The following ZBTB20 variants were observed in gnomAD, a reference collection of about 807,000 sequenced individuals.
The protein encoded by ZBTB20 is zinc finger and BTB domain-containing protein 20.
ZBTB20 carries 9 observed loss-of-function variants against 56.9 expected under a neutral mutation model. That is an observed-to-expected ratio of 0.16 (90% CI 0.10 to 0.28). The LOEUF is 0.28. Ranked by LOEUF, ZBTB20 falls within the 10% of genes least tolerant of loss-of-function variation. The pLI, the probability that ZBTB20 is intolerant of heterozygous loss-of-function variation, is 1.00. For synonymous variants in ZBTB20, 417 were observed against 420.7 expected, an observed-to-expected ratio of 0.99 and a Z score of 0.11; for missense variants, 655 against 1,003.0, an observed-to-expected ratio of 0.65 and a Z score of 4.69.
intron 1 of ZBTB20, among the ~76,000 whole-genome samples, chr3:115,085,998 T>C (rs189645868): frequency 7.4e-4 from 112 of 151,940 alleles, no homozygotes; most frequent in African/African-American, 2.4e-3. Flanking sequence ...AAAACGGGCG[T>C]TGTATTTCTT....
intron 10 of ZBTB20, among the ~76,000 whole-genome samples, chr3:114,355,411 T>C (rs1163256640): frequency 6.6e-6 from 1 of 152,168 alleles, no homozygotes; most frequent in African/African-American, 2.4e-5. Context: ...CTGAGTACAC[T>C]GGCCCCACAC....
chr3:114,436,557 T>G (rs946569571), intron 7 of ZBTB20, among the ~76,000 whole-genome samples: 1 of 152,214 alleles, frequency 6.6e-6, no homozygotes, highest in Non-Finnish European at 1.5e-5. Flanking sequence ...ATAGTACTCT[T>G]ATAATGTTAC....
intron 2 of ZBTB20, among the ~76,000 whole-genome samples, chr3:115,021,150 C>T (rs2080187552): frequency 6.6e-6 from 1 of 150,798 alleles, no homozygotes; most frequent in Non-Finnish European, 1.5e-5. Context: ...TTTTGGAATG[C>T]CATTTTTAAT....
chr3:114,477,725 C>T (rs2040969705), intron 7 of ZBTB20, among the ~76,000 whole-genome samples: 1 of 151,882 alleles, frequency 6.6e-6, no homozygotes, highest in Non-Finnish European at 1.5e-5. Flanking sequence ...GAACTCCTGA[C>T]CTCAGGTGAT....
chr3:114,488,872 G>T (rs1451922453), intron 7 of ZBTB20, among the ~76,000 whole-genome samples: 1 of 152,144 alleles, frequency 6.6e-6, no homozygotes, highest in East Asian at 1.9e-4. Flanking sequence ...GAAGTGCAAC[G>T]TTGTTGTCAA....
rs536290803 is a variant in ZBTB20 at position 114,988,084 on chromosome 3, C to A, written c.-506-13668G>T. ...TTTTTCACATTGCAAGTGATGGTAT[C>A]CAGTTTCTTTTTTTTTTTTTTTTTA... On this transcript the variant is annotated intron_variant, in intron 2 of 11. Transcript: ENST00000675478. Among the ~76,000 whole-genome samples, 739 of 144,150 alleles carry A rather than the reference C, an allele frequency of 5.1e-3. 4 individuals are homozygous for A. The highest frequency in any genetic ancestry group is 8.0e-3 in the Non-Finnish European group (531 of 66,502). 94.6% of individuals were successfully genotyped at this position (144,150 alleles called of 152,430 possible).
chr3:114,918,270 C>T (rs1484259886), intron 3 of ZBTB20, among the ~76,000 whole-genome samples: 1 of 152,124 alleles, frequency 6.6e-6, no homozygotes, highest in African/African-American at 2.4e-5. Flanking sequence ...GAGCTCCCCT[C>T]TAGCCTAGGG....
intron 2 of ZBTB20, among the ~76,000 whole-genome samples, chr3:115,026,922 T>C (rs549619482): frequency 2.6e-5 from 4 of 150,988 alleles, no homozygotes; most frequent in Admixed American, 6.6e-5. Flanking sequence ...AATATAGTTA[T>C]ATAAAATAAA....
rs890662821 is a variant in ZBTB20 at position 114,339,518 on chromosome 3, G to T, written c.1805-92C>A. 6 of 1,366,212 alleles carry T rather than the reference G, an allele frequency of 4.4e-6. No homozygotes were observed. In the African/African-American group the frequency reaches 8.8e-5, roughly 20 times the overall value. 84.6% of individuals were successfully genotyped at this position (1,366,212 alleles called of 1,614,324 possible). On this transcript the variant is annotated intron_variant, in intron 11 of 11. Coordinates refer to ENST00000675478, the MANE Select transcript of ZBTB20 (RefSeq NM_001348800.3). This position sits in a 1 kb window ranked among gnomAD's most constrained non-coding sequence, Gnocchi z 4.2. ...ACAGGAAAAACAAGACAACAAAAAA[G>T]AAAAATAAAACAATTAAAAAATAAA... is the stretch of plus-strand genomic sequence containing the variant.
intron 6 of ZBTB20, among the ~76,000 whole-genome samples, chr3:114,564,908 C>T (rs1471886559): frequency 6.6e-6 from 1 of 152,186 alleles, no homozygotes; most frequent in African/African-American, 2.4e-5. Context: ...TTATGTCACG[C>T]CTTGCATGGG....
At chr3:114,735,297 C>A (rs1216829677) in intron 5 of ZBTB20, among the ~76,000 whole-genome samples, 2 of 151,962 alleles carry the variant, frequency 1.3e-5, no homozygotes, top group African/African-American at 4.8e-5. Flanking sequence ...AAAGAGGATT[C>A]TGCTTGTTTA....
chr3:114,965,228 G>C (rs1355560530), intron 3 of ZBTB20, among the ~76,000 whole-genome samples: 1 of 151,788 alleles, frequency 6.6e-6, no homozygotes, highest in Non-Finnish European at 1.5e-5. Flanking sequence ...ATTTTAATTG[G>C]CAACTAAAAG....
chr3:114,891,875 C>T (rs941913154), intron 4 of ZBTB20, among the ~76,000 whole-genome samples: 3 of 151,990 alleles, frequency 2.0e-5, no homozygotes, highest in Non-Finnish European at 4.4e-5. Flanking sequence ...GGTGAAACCC[C>T]GTCTCTACTA....
chr3:115,097,337 C>A (rs955311389), intron 1 of ZBTB20, among the ~76,000 whole-genome samples: 3 of 152,020 alleles, frequency 2.0e-5, no homozygotes, highest in African/African-American at 7.2e-5. Context: ...CACCACCACG[C>A]CCAGGTAGTT....
At chr3:114,648,373 T>C (rs2107976434) in intron 6 of ZBTB20, among the ~76,000 whole-genome samples, 1 of 152,100 alleles carries the variant, frequency 6.6e-6, no homozygotes, top group South Asian at 2.1e-4. Context: ...AAAGATTTAA[T>C]GAGCTAAGTG....
intron 6 of ZBTB20, among the ~76,000 whole-genome samples, chr3:114,570,658 A>G (rs1322379380): frequency 6.6e-6 from 1 of 152,166 alleles, no homozygotes; most frequent in Non-Finnish European, 1.5e-5. Flanking sequence ...TTTAAAAATG[A>G]ATAATCTTGC....
At chr3:114,377,963 G>C (rs556068825) in intron 10 of ZBTB20, among the ~76,000 whole-genome samples, 1 of 152,294 alleles carries the variant, frequency 6.6e-6, no homozygotes, top group East Asian at 1.9e-4. Flanking sequence ...TGTTTCTGAA[G>C]TTAAAGAGAC....
chr3:115,001,631 CACA>C (rs1475969215), intron 2 of ZBTB20, among the ~76,000 whole-genome samples: 2 of 150,708 alleles, frequency 1.3e-5, no homozygotes, highest in Non-Finnish European at 3.0e-5. Context: ...AAATTGAAAG[CACA>C]ACACCTACAC....
chr3:114,540,963 A>AT, intron 6 of ZBTB20, among the ~76,000 whole-genome samples: 1 of 152,222 alleles, frequency 6.6e-6, no homozygotes, highest in South Asian at 2.1e-4. Context: ...TTAAAGAGAA[A>AT]TACTGAACCC....
Sources: gnomAD v4.1 joint callset for allele counts (sites outside exome capture counted in the v4.1 genomes callset) on GRCh38, gnomAD v4.1.1 for gene constraint, Gnocchi (gnomAD v3.1) non-coding constraint, MANE v1.5 for transcripts, NCBI Gene and HGNC (gene_info 2026-07-23, HGNC 2026-07-21) for gene names.